The following ARHGEF7 variants were observed in gnomAD, a reference collection of about 807,000 sequenced individuals.
ARHGEF7 encodes the protein PAK-interacting exchange factor beta.
A neutral mutation model predicts 109.8 loss-of-function variants in ARHGEF7; 33 were observed. That is an observed-to-expected ratio of 0.30 (90% CI 0.23 to 0.40). ARHGEF7 has a LOEUF of 0.40. ARHGEF7 is among the 10% of genes least tolerant of loss of function. The pLI is 1.00. For missense variants in ARHGEF7, 938 were observed against 1,098.5 expected (o/e 0.85, Z 2.07); for synonymous variants, 458 against 424.6 (o/e 1.08, Z -0.97).
intron 1 of ARHGEF7, among the ~76,000 whole-genome samples, chr13:111,129,713 G>A (rs1233486243): frequency 6.6e-6 from 1 of 152,202 alleles, no homozygotes; most frequent in Non-Finnish European, 1.5e-5. Flanking sequence ...AAATCTAACA[G>A]AGTGATCCTC....
At position 111,280,559 on chromosome 13, in the gene ARHGEF7, T is replaced by C. The variant is rs751734991; in HGVS notation, c.1607T>C (p.Leu536Ser). ...EISGSMIERI[L>S]VSCNNQQDLQ... is the part of the protein sequence containing the mutation. ...ATAGGGAGCATGATTGAGCGGATAT[T>C]AGTGTCGTGCAACAACCAGCAGGAT... The change falls in exon 15 of 22, where the codon TTA (leucine) becomes TCA (serine). Residue 536 changes from leucine (L) to serine (S), a missense_variant. By Grantham distance (145) the Leu-to-Ser change is moderately radical. This residue lies in a region of ARHGEF7 where 585 missense variants were observed against 723.6 expected (regional missense o/e 0.81). Coordinates refer to ENST00000646102, the MANE Select transcript of ARHGEF7 (RefSeq NM_001354046.2). 2 of 1,609,482 alleles carry C rather than the reference T, an allele frequency of 1.2e-6. No individual in the cohort carries two copies. The highest frequency in any genetic ancestry group is 4.5e-5 in the East Asian group (2 of 44,840).
At position 111,115,508 on chromosome 13, in the gene ARHGEF7, TG is replaced by T; in HGVS notation, c.-18del. On this transcript the variant is annotated 5_prime_UTR_variant, in exon 1 of 22. Transcript: ENST00000646102. ...GTGAAGGCGCGCGCCCCTCCCCGCC[TG>T]CCTCCCGGGCCGCAGCGATGAATTC... The T allele has an allele frequency of 8.0e-7, 1 of 1,243,108 alleles. No homozygotes were observed. Among genetic ancestry groups the T allele is most frequent in the Non-Finnish European group, 1.0e-6 (1 of 969,260 alleles). 77.0% of individuals were successfully genotyped at this position (1,243,108 alleles called of 1,614,324 possible).
Position 111,156,013 on chromosome 13 carries a change from A to T in ARHGEF7, c.252+2022A>T, listed in dbSNP as rs2076293977. ...GACAGGAGAATCCCTTGAACCCCGG[A>T]GGCAGAGGTTGCAGTGAGCTGAGAT... On this transcript the variant is annotated intron_variant, in intron 2 of 21. Coordinates refer to ENST00000646102, the MANE Select transcript of ARHGEF7 (RefSeq NM_001354046.2). 5.4e-5 allele frequency among the ~76,000 whole-genome samples: 8 copies of T among 148,820 alleles called. No individual in the cohort carries two copies. The South Asian group carries it at 1.5e-3, about 28-fold the overall frequency.
intron 18 of ARHGEF7, 93 bp downstream of exon 18, chr13:111,288,536 G>T: frequency 1.1e-6 from 1 of 944,600 alleles, no homozygotes; most frequent in Non-Finnish European, 1.6e-6. Context: ...TAGGCCCCTT[G>T]CACAGCCCAT....
At chr13:111,262,839 A>T (rs1374320522) in intron 8 of ARHGEF7, among the ~76,000 whole-genome samples, 1 of 152,178 alleles carries the variant, frequency 6.6e-6, no homozygotes, top group East Asian at 1.9e-4. Flanking sequence ...CATGGACACA[A>T]TGCAACATCA....
Position 111,251,708 on chromosome 13 carries a change from A to G in ARHGEF7, c.950+7414A>G, listed in dbSNP as rs1055956342. Reference sequence around the variant, plus strand: ...AGGCATTGTAGTTAGTGCTTCTGGGATCCACGGCTGGTTGTAGGCAGCGTC... The same window carrying G: ...AGGCATTGTAGTTAGTGCTTCTGGGGTCCACGGCTGGTTGTAGGCAGCGTC... On this transcript the variant is annotated intron_variant, in intron 8 of 21. Transcript: ENST00000646102. 4.6e-5 allele frequency among the ~76,000 whole-genome samples: 7 copies of G among 152,348 alleles called. No individual in the cohort carries two copies. The East Asian group carries it at 1.3e-3, about 29-fold the overall frequency.
intron 4 of ARHGEF7, among the ~76,000 whole-genome samples, chr13:111,214,801 A>G (rs1162991026): frequency 6.6e-6 from 1 of 152,250 alleles, no homozygotes; most frequent in African/African-American, 2.4e-5. Context: ...TATTTCACTT[A>G]TGAATTTGAA....
At chr13:111,293,066 A>G (rs898589221) in intron 19 of ARHGEF7, 2 of 985,322 alleles carry the variant, frequency 2.0e-6, no homozygotes, top group African/African-American at 3.5e-5. Flanking sequence ...ACTTCCCTGA[A>G]TTGCAGTGAT....
intron 21 of ARHGEF7, 90 bp from the exon 22 acceptor site, chr13:111,302,899 GGC>G (rs1382142805): frequency 5.8e-5 from 88 of 1,513,298 alleles, no homozygotes; most frequent in Non-Finnish European, 7.6e-5. Context: ...CATGAATCGA[GGC>G]CTTAGCTCCT....
chr13:111,123,463 A>G (rs1384989379), intron 1 of ARHGEF7, among the ~76,000 whole-genome samples: 5 of 150,216 alleles, frequency 3.3e-5, no homozygotes, highest in Non-Finnish European at 5.9e-5. Flanking sequence ...GAGGTTTACC[A>G]TGGCCATAGA....
intron 8 of ARHGEF7, among the ~76,000 whole-genome samples, chr13:111,257,630 G>A (rs528879809): frequency 3.9e-5 from 6 of 152,370 alleles, no homozygotes; most frequent in African/African-American, 1.4e-4. Context: ...AATCAGGTGA[G>A]TGATCACGGT....
At chr13:111,149,783 A>AT (rs1459198866) in intron 1 of ARHGEF7, among the ~76,000 whole-genome samples, 1 of 152,258 alleles carries the variant, frequency 6.6e-6, no homozygotes, top group African/African-American at 2.4e-5. Context: ...CAGTACTCAC[A>AT]TAACACGGAA....
rs768232227 is a variant in ARHGEF7 at position 111,300,753 on chromosome 13, C to T, written c.2317C>T (p.Arg773Cys). Residue 773 changes from arginine to cysteine, a missense_variant, in exon 20 of 22, where the codon CGC becomes TGC. This residue lies in a region of ARHGEF7 where 166 missense variants were observed against 167.3 expected (regional missense o/e 0.99). Transcript: ENST00000646102. ...TTATTTTTTCATGATCCTAGGTTCA[C>T]GCAAAGAATCTGCTCCACAAGTTTT... is the stretch of plus-strand genomic sequence containing the variant. ...SYRMGSTSRS[R>C]KESAPQVLLP... 2.4e-5 allele frequency: 38 copies of T among 1,603,202 alleles called. No individual in the cohort carries two copies. Among genetic ancestry groups the T allele is most frequent in the Middle Eastern group, 1.7e-4 (1 of 6,030 alleles).
At chr13:111,283,852 C>T (rs2092904000) in intron 16 of ARHGEF7, among the ~76,000 whole-genome samples, 1 of 152,102 alleles carries the variant, frequency 6.6e-6, no homozygotes, top group African/African-American at 2.4e-5. Context: ...GGCGGTTTCC[C>T]CCTTTGATGC....
At chr13:111,152,596 T>C (rs1478529509) in intron 1 of ARHGEF7, among the ~76,000 whole-genome samples, 8 of 152,332 alleles carry the variant, frequency 5.3e-5, no homozygotes, top group African/African-American at 1.9e-4. Context: ...CTGAGCACCA[T>C]AAAATGAAAC....
At chr13:111,143,048 C>T (rs1275617447) in intron 1 of ARHGEF7, among the ~76,000 whole-genome samples, 1 of 152,164 alleles carries the variant, frequency 6.6e-6, no homozygotes, top group Non-Finnish European at 1.5e-5. Flanking sequence ...ACTTCAGAAG[C>T]AAATCTGAGT....
intron 10 of ARHGEF7, 90 bp downstream of exon 10, chr13:111,274,042 T>G (rs2092337432): frequency 6.8e-7 from 1 of 1,466,412 alleles, no homozygotes; most frequent in African/African-American, 1.4e-5. Flanking sequence ...TATTCATGAT[T>G]TATTTTAGAA....
At position 111,292,294 on chromosome 13, in the gene ARHGEF7, C is replaced by T. The variant is rs960379812; in HGVS notation, c.2311C>T (p.Arg771Cys). The T allele has an allele frequency of 3.1e-6, 5 of 1,614,228 alleles. No homozygotes were observed. Among genetic ancestry groups the T allele is most frequent in the Non-Finnish European group, 4.2e-6 (5 of 1,180,040 alleles). ...AHSYRMGSTS[R>C]SRKESAPQVL... The stretch of plus-strand genomic sequence containing the variant: ...TAGTTACAGAATGGGTTCTACATCT[C>T]GTAAGAGCTGTTGCTCATATATCTC... The change falls in exon 19 of 22, where the codon CGT (arginine) becomes TGT (cysteine). Residue 771 changes from arginine to cysteine, a missense_variant and splice_region_variant. Around this residue, in one of 4 missense-constraint regions of ARHGEF7, gnomAD observed 166 missense variants for 167.3 expected, o/e 0.99. Transcript: ENST00000646102.
intron 2 of ARHGEF7, among the ~76,000 whole-genome samples, chr13:111,174,759 T>G (rs2077959133): frequency 6.6e-6 from 1 of 152,184 alleles, no homozygotes; most frequent in East Asian, 1.9e-4. Context: ...GTCTGGTCCA[T>G]CTGTACGCTG....
Sources: allele counts gnomAD v4.1 joint callset (sites outside exome capture counted in the v4.1 genomes callset), GRCh38; gene constraint gnomAD v4.1.1; regional missense constraint gnomAD v4.1.1; transcripts MANE v1.5; gene names NCBI Gene and HGNC (gene_info 2026-07-23, HGNC 2026-07-21).